Variants in SH3RF1 observed in about 807,000 individuals in gnomAD.
SH3RF1 encodes the protein SH3 domain containing ring finger 1.
A neutral mutation model predicts 74.0 loss-of-function variants in SH3RF1; 32 were observed. That is an observed-to-expected ratio of 0.43 (90% CI 0.33 to 0.58). SH3RF1 has a LOEUF of 0.58. Ranked by LOEUF, SH3RF1 falls within the 20% of genes least tolerant of loss-of-function variation. The probability of loss-of-function intolerance (pLI) is 0.05; values close to 1 mark genes in which losing one functional copy is unlikely to be tolerated. For missense variants in SH3RF1, 954 were observed against 1,130.9 expected (o/e 0.84, Z 2.24); for synonymous variants, 396 against 439.6 (o/e 0.90, Z 1.24).
At chr4:169,270,447 A>C (rs1221825701) in intron 1 of SH3RF1, among the ~76,000 whole-genome samples, 1 of 151,850 alleles carries the variant, frequency 6.6e-6, no homozygotes, top group Non-Finnish European at 1.5e-5. Flanking sequence ...GGGGACACAA[A>C]TCCCTCTACA....
In SH3RF1 at chr4:169,108,785, G is replaced by A. The variant is rs528041900; in HGVS notation, c.2140-1580C>T. ...ACAAACTTGGACTGCCTGCATAAGT[G>A]CAGTGGCAGTGCTGTATATACCTCT... On this transcript the variant is annotated intron_variant, in intron 10 of 11. Coordinates refer to ENST00000284637, the MANE Select transcript of SH3RF1 (RefSeq NM_020870.4). 5.3e-5 allele frequency among the ~76,000 whole-genome samples: 8 copies of A among 152,328 alleles called. No individual in the cohort carries two copies. The South Asian group carries it at 1.7e-3, about 32-fold the overall frequency.
intron 2 of SH3RF1, among the ~76,000 whole-genome samples, chr4:169,242,899 A>G (rs188282984): frequency 6.6e-6 from 1 of 152,306 alleles, no homozygotes; most frequent in Non-Finnish European, 1.5e-5. Flanking sequence ...TATCATTATA[A>G]ATCACCCAGC....
chr4:169,236,697 C>T (rs763657986), intron 2 of SH3RF1, among the ~76,000 whole-genome samples: 1 of 152,198 alleles, frequency 6.6e-6, no homozygotes, highest in Non-Finnish European at 1.5e-5. Context: ...CCCAGAAATT[C>T]TCATGTAAGC....
intron 9 of SH3RF1, 85 bp from the exon 10 acceptor site, chr4:169,116,715 A>G: frequency 2.7e-6 from 4 of 1,459,296 alleles, no homozygotes; most frequent in Non-Finnish European, 3.6e-6. Context: ...TCACTGCATC[A>G]GACCATGATG....
intron 2 of SH3RF1, among the ~76,000 whole-genome samples, chr4:169,163,851 T>C (rs1242831961): frequency 1.3e-5 from 2 of 152,224 alleles, no homozygotes; most frequent in African/African-American, 2.4e-5. Context: ...CTGATAATTA[T>C]GCTGCATTTC....
chr4:169,122,319 T>C lies in SH3RF1; in HGVS notation c.1180-53A>G, dbSNP rs938375616. On this transcript the variant is annotated intron_variant, in intron 6 of 11. Transcript: ENST00000284637. Reference sequence around the variant, plus strand: ...GGGAAAAAAGGGAACAAAATACTGATTTACATCTTCCTATGGAAGGTGGGA... The same window carrying C: ...GGGAAAAAAGGGAACAAAATACTGACTTACATCTTCCTATGGAAGGTGGGA... 1.7e-5 allele frequency: 26 copies of C among 1,515,980 alleles called. No individual in the cohort carries two copies. In the African/African-American group the frequency reaches 2.2e-4, roughly 13 times the overall value. 93.9% of individuals were successfully genotyped at this position (1,515,980 alleles called of 1,614,324 possible).
Position 169,136,518 on chromosome 4 carries a change from G to T in SH3RF1, c.868C>A (p.Pro290Thr). 1.1e-5 allele frequency: 17 copies of T among 1,613,744 alleles called. No homozygotes were observed. The highest frequency in any genetic ancestry group is 1.4e-5 in the Non-Finnish European group (16 of 1,179,862). ...TTCTTCTTGGTGTCGGAGTGCTTTG[G>T]GGCAGTGCTGCTCTGGGCTGCTGCC... ...SSAAAQSSTA[P>T]KHSDTKKNTK... The change falls in exon 5 of 12, where the codon CCA (proline) becomes ACA (threonine). Residue 290 changes from proline to threonine, a missense_variant. Pro to Thr is a conservative substitution (Grantham distance 38). Around this residue, in one of 3 missense-constraint regions of SH3RF1, gnomAD observed 854 missense variants for 962.5 expected, o/e 0.89. Transcript: ENST00000284637.
rs200213891 is a variant in SH3RF1 at position 169,121,028 on chromosome 4, C to G, written c.1347-39G>C. 1.2e-5 allele frequency: 18 copies of G among 1,539,198 alleles called. No individual in the cohort carries two copies. The East Asian group carries it at 4.1e-4, about 35-fold the overall frequency. The stretch of plus-strand genomic sequence containing the variant: ...TAATATTTGATTTCAGGTTGAGTAA[C>G]AGACAAATCCCAAGATGCTCAAAAT... On this transcript the variant is annotated intron_variant, in intron 7 of 11. Transcript: ENST00000284637.
At chr4:169,232,747 T>A (rs1460626939) in intron 2 of SH3RF1, among the ~76,000 whole-genome samples, 1 of 152,136 alleles carries the variant, frequency 6.6e-6, no homozygotes, top group East Asian at 1.9e-4. Flanking sequence ...TGTACTTTAA[T>A]CCTGAAAAAT....
chr4:169,094,835 TC>T lies in SH3RF1; in HGVS notation c.*1683del, dbSNP rs1250904129. ...ATTTCATCTTCAACCACATAAAGTA[TC>T]TTTTTAAGACCATGAAACCTCTTGT... On this transcript the variant is annotated 3_prime_UTR_variant, in exon 12 of 12. Transcript: ENST00000284637. The T allele has an allele frequency of 6.6e-6, 1 of 151,874 alleles. No individual in the cohort carries two copies. Among genetic ancestry groups the T allele is most frequent in the African/African-American group, 2.4e-5 (1 of 41,348 alleles). The allele number at this position is 151,874 out of a possible 1,614,324, so 9.4% of individuals were successfully genotyped here.
intron 11 of SH3RF1, among the ~76,000 whole-genome samples, chr4:169,106,261 C>T (rs1024141917): frequency 2.2e-4 from 33 of 151,798 alleles, no homozygotes; most frequent in African/African-American, 5.8e-4. Flanking sequence ...TACAGGGACT[C>T]GCCACCACGT....
At chr4:169,208,206 C>A (rs1396948686) in intron 2 of SH3RF1, among the ~76,000 whole-genome samples, 1 of 151,854 alleles carries the variant, frequency 6.6e-6, no homozygotes, top group African/African-American at 2.4e-5. Context: ...TCCTTCATCC[C>A]CACCCCCACT....
intron 2 of SH3RF1, among the ~76,000 whole-genome samples, chr4:169,253,636 C>G (rs1308577814): frequency 6.6e-6 from 1 of 152,168 alleles, no homozygotes; most frequent in Non-Finnish European, 1.5e-5. Flanking sequence ...AACCACATTA[C>G]CTGTGCTTCC....
intron 2 of SH3RF1, among the ~76,000 whole-genome samples, chr4:169,170,003 A>G (rs921524302): frequency 6.6e-6 from 1 of 152,174 alleles, no homozygotes; most frequent in Non-Finnish European, 1.5e-5. Flanking sequence ...GGAAAAAGTA[A>G]TATCCATTTG....
chr4:169,237,823 C>A (rs1277809562), intron 2 of SH3RF1, among the ~76,000 whole-genome samples: 2 of 152,102 alleles, frequency 1.3e-5, no homozygotes, highest in Middle Eastern at 3.2e-3. Context: ...TTATTCAAGA[C>A]CTGTAGGACC....
Position 169,127,010 on chromosome 4 carries a change from G to T in SH3RF1, c.1179+3036C>A, listed in dbSNP as rs577933537. 7.2e-5 allele frequency among the ~76,000 whole-genome samples: 11 copies of T among 152,296 alleles called. No homozygotes were observed. In the East Asian group the frequency reaches 2.1e-3, roughly 29 times the overall value. ...TAACCACCTCTTGGCTGGTCCAGAG[G>T]ATCGGGGATTATTCATCACTTGTTT... On this transcript the variant is annotated intron_variant, in intron 6 of 11. Coordinates refer to ENST00000284637, the MANE Select transcript of SH3RF1 (RefSeq NM_020870.4).
chr4:169,126,534 T>C (rs971731577), intron 6 of SH3RF1, among the ~76,000 whole-genome samples: 3 of 152,220 alleles, frequency 2.0e-5, no homozygotes, highest in Non-Finnish European at 4.4e-5. Context: ...AATCTGACAT[T>C]CAACTTTGTT....
chr4:169,127,223 C>A (rs1301892711), intron 6 of SH3RF1, among the ~76,000 whole-genome samples: 2 of 152,092 alleles, frequency 1.3e-5, no homozygotes, highest in Non-Finnish European at 2.9e-5. Flanking sequence ...ATGTATGGGA[C>A]AATGTTTATA....
intron 2 of SH3RF1, among the ~76,000 whole-genome samples, chr4:169,209,153 G>T (rs1160153042): frequency 6.6e-6 from 1 of 152,014 alleles, no homozygotes; most frequent in East Asian, 1.9e-4. Flanking sequence ...GCCAGACACG[G>T]TGGCACGCAC....
Sources: allele counts gnomAD v4.1 joint callset (sites outside exome capture counted in the v4.1 genomes callset), GRCh38; gene constraint gnomAD v4.1.1; regional missense constraint gnomAD v4.1.1; transcripts MANE v1.5; gene names NCBI Gene and HGNC (gene_info 2026-07-23, HGNC 2026-07-21).